The following CDCA7L variants were observed in gnomAD, a reference collection of about 807,000 sequenced individuals.
CDCA7L encodes the protein cell division cycle-associated 7-like protein.
In CDCA7L, 44 loss-of-function variants were observed where a neutral mutation model predicts 57.4. The ratio of observed to expected loss-of-function variants is 0.77; its 90% CI spans 0.60 to 0.98. The LOEUF is 0.98. Among genes scored for constraint, CDCA7L ranks in the 50% least tolerant of loss-of-function variants. The probability of loss-of-function intolerance (pLI) is 0.00; values close to 1 mark genes in which losing one functional copy is unlikely to be tolerated. For synonymous variants in CDCA7L, 236 were observed against 202.8 expected (o/e 1.16, Z -1.39); for missense variants, 644 against 580.6 (o/e 1.11, Z -1.12).
intron 8 of CDCA7L, among the ~76,000 whole-genome samples, chr7:21,903,354 C>G (rs1399123694): frequency 6.6e-6 from 1 of 152,156 alleles, no homozygotes; most frequent in Non-Finnish European, 1.5e-5. Context: ...TGGAGATTTT[C>G]ACAAGCATTT....
intron 1 of CDCA7L, chr7:21,940,215 G>T: frequency 2.1e-6 from 1 of 476,792 alleles, no homozygotes; most frequent in Non-Finnish European, 2.7e-6. Context: ...AAGTCAAATA[G>T]CCTTGACTGT....
In CDCA7L at chr7:21,902,277, T is replaced by TTGGAGTACTCTATGGTGA; in HGVS notation, c.*27_*44dup. 1 of 1,560,878 alleles carries TTGGAGTACTCTATGGTGA rather than the reference T, an allele frequency of 6.4e-7. No individual in the cohort carries two copies. The highest frequency in any genetic ancestry group is 8.8e-7 in the Non-Finnish European group (1 of 1,131,936). On this transcript the variant is annotated 3_prime_UTR_variant, in exon 10 of 10. Coordinates refer to ENST00000406877, the MANE Select transcript of CDCA7L (RefSeq NM_018719.5). ...AGGCACCAATGGTATGCATGTCTTG[T>TTGGAGTACTCTATGGTGA]TGGAGTACTCTATGGTGAGGTGGCT...
chr7:21,932,042 C>A (rs1359054290), intron 1 of CDCA7L, among the ~76,000 whole-genome samples: 1 of 152,128 alleles, frequency 6.6e-6, no homozygotes, highest in Non-Finnish European at 1.5e-5. Context: ...TGAGTGAACT[C>A]TCATTTACAA....
Position 21,916,298 on chromosome 7 carries a change from G to GC in CDCA7L, c.165+455dup, listed in dbSNP as rs1785478554. Among the ~76,000 whole-genome samples the GC allele has an allele frequency of 2.6e-5, 4 of 152,052 alleles. No homozygotes were observed. The South Asian group carries it at 8.3e-4, about 32-fold the overall frequency. ...AGTGCTAGAGATCAAAGTAATTAAC[G>GC]CAAGAATAAGGCTCTCCCCAGCAAT... On this transcript the variant is annotated intron_variant, in intron 2 of 9. Transcript: ENST00000406877.
At chr7:21,930,932 A>G (rs1785989402) in intron 1 of CDCA7L, among the ~76,000 whole-genome samples, 1 of 152,138 alleles carries the variant, frequency 6.6e-6, no homozygotes, top group African/African-American at 2.4e-5. Flanking sequence ...ACACAATAAA[A>G]AATGATAAAG....
rs1554294825 is a variant in CDCA7L at position 21,902,280 on chromosome 7, G to GAGTACTCTA, written c.*33_*41dup. On this transcript the variant is annotated 3_prime_UTR_variant, in exon 10 of 10. Transcript: ENST00000406877. ...CACCAATGGTATGCATGTCTTGTTG[G>GAGTACTCTA]AGTACTCTATGGTGAGGTGGCTGGT... 4.5e-6 allele frequency: 7 copies of GAGTACTCTA among 1,570,364 alleles called. No individual in the cohort carries two copies. The South Asian group carries it at 7.7e-5, about 17-fold the overall frequency.
intron 2 of CDCA7L, among the ~76,000 whole-genome samples, chr7:21,913,721 C>G (rs1363405047): frequency 1.3e-5 from 2 of 152,220 alleles, no homozygotes; most frequent in Non-Finnish European, 2.9e-5. Flanking sequence ...GCTATGAGTT[C>G]CCATCTTCCA....
At chr7:21,918,344 T>C (rs1159133845) in intron 1 of CDCA7L, among the ~76,000 whole-genome samples, 2 of 152,218 alleles carry the variant, frequency 1.3e-5, no homozygotes, top group East Asian at 1.9e-4. Context: ...TTCTAAATTA[T>C]TGTGAGGCAA....
At chr7:21,937,465 T>A (rs1417807222) in intron 1 of CDCA7L, among the ~76,000 whole-genome samples, 2 of 151,864 alleles carry the variant, frequency 1.3e-5, no homozygotes, top group South Asian at 4.2e-4. Flanking sequence ...TGAAACCCCA[T>A]CTCTACTAAA....
intron 1 of CDCA7L, among the ~76,000 whole-genome samples, chr7:21,923,047 A>C (rs1785707800): frequency 6.6e-6 from 1 of 152,248 alleles, no homozygotes; most frequent in Admixed American, 6.5e-5. Flanking sequence ...TAATGGATAC[A>C]GATTCAGCTT....
At chr7:21,934,438 A>C (rs1786103258) in intron 1 of CDCA7L, among the ~76,000 whole-genome samples, 1 of 152,058 alleles carries the variant, frequency 6.6e-6, no homozygotes, top group African/African-American at 2.4e-5. Context: ...AAATGAGAAG[A>C]GAGTCAAAAT....
At chr7:21,922,382 G>A (rs1785678992) in intron 1 of CDCA7L, among the ~76,000 whole-genome samples, 2 of 152,174 alleles carry the variant, frequency 1.3e-5, no homozygotes, top group Non-Finnish European at 2.9e-5. Flanking sequence ...CTGGTAGGCT[G>A]AACACATATA....
intron 4 of CDCA7L, among the ~76,000 whole-genome samples, chr7:21,907,285 CCTTAG>C (rs1785171915): frequency 6.6e-6 from 1 of 152,010 alleles, no homozygotes; most frequent in African/African-American, 2.4e-5. Context: ...TGAAAATTTC[CCTTAG>C]CTAAGTAAAA....
Position 21,905,583 on chromosome 7 carries a change from G to C in CDCA7L, c.970C>G (p.Pro324Ala), listed in dbSNP as rs1785113446. Residue 324 changes from proline (P) to alanine (A), a missense_variant, in exon 7 of 10, where the codon CCA (proline) becomes GCA (alanine). Transcript: ENST00000406877. Reference sequence around the variant, plus strand: ...TCCTCTTCGGTGATATCCTCCACTGGCCGAAAAGAAGATATACGGTGACGT... The same window carrying C: ...TCCTCTTCGGTGATATCCTCCACTGCCCGAAAAGAAGATATACGGTGACGT... ...RRRHRISSFR[P>A]VEDITEEDLE... 6.2e-7 allele frequency: 1 copy of C among 1,613,700 alleles called. No individual in the cohort carries two copies. The highest frequency in any genetic ancestry group is 8.5e-7 in the Non-Finnish European group (1 of 1,179,944).
At chr7:21,915,903 G>GTCT (rs2128061702) in intron 2 of CDCA7L, among the ~76,000 whole-genome samples, 1 of 152,176 alleles carries the variant, frequency 6.6e-6, no homozygotes, top group East Asian at 1.9e-4. Flanking sequence ...TTAGAAGGAG[G>GTCT]TCTACTGGTG....
chr7:21,942,481 G>C (rs1786369933), intron 1 of CDCA7L, among the ~76,000 whole-genome samples: 1 of 152,126 alleles, frequency 6.6e-6, no homozygotes, highest in Non-Finnish European at 1.5e-5. Context: ...GGTGAATAAA[G>C]CCGAGTCTTT....
rs35601553 is a variant in CDCA7L, at chr7:21,915,635, T to TA, written c.165+1118dup. Reference sequence around the variant, plus strand: ...CAATATGGCAAAACCCCATCACTACTAAAAAAAAAAAAAAAAAAAAAAAAC... The same window carrying TA: ...CAATATGGCAAAACCCCATCACTACTAAAAAAAAAAAAAAAAAAAAAAAAAC... On this transcript the variant is annotated intron_variant, in intron 2 of 9. Transcript: ENST00000406877. Among the ~76,000 whole-genome samples the TA allele has an allele frequency of 8.2e-3, 723 of 88,314 alleles. 26 individuals are homozygous for TA. The highest frequency in any genetic ancestry group is 0.029 in the African/African-American group (667 of 22,910). The allele number at this position is 88,314 out of a possible 152,430, so 57.9% of individuals were successfully genotyped here.
In CDCA7L at chr7:21,901,178, G is replaced by A. The variant is rs1220464771; in HGVS notation, c.*1144C>T. The A allele has an allele frequency of 1.2e-6, 2 of 1,613,766 alleles. No homozygotes were observed. The highest frequency in any genetic ancestry group is 1.7e-6 in the Non-Finnish European group (2 of 1,179,856). On this transcript the variant is annotated 3_prime_UTR_variant, in exon 10 of 10. Coordinates refer to ENST00000406877, the MANE Select transcript of CDCA7L (RefSeq NM_018719.5). ...AAACTGAGAGGCCCCAGCTACATCT[G>A]GACCTTCAGGCTGAAGAGCGAAGAG... is the stretch of plus-strand genomic sequence containing the variant.
chr7:21,902,240 A>AAAATCTTTCTTTCTTAGGCACCAATG lies in CDCA7L; in HGVS notation c.*81_*82insCATTGGTGCCTAAGAAAGAAAGATTT. The AAAATCTTTCTTTCTTAGGCACCAATG allele has an allele frequency of 9.0e-7, 1 of 1,111,710 alleles. No individual in the cohort carries two copies. The highest frequency in any genetic ancestry group is 1.3e-6 in the Non-Finnish European group (1 of 763,906). 68.9% of individuals were successfully genotyped at this position (1,111,710 alleles called of 1,614,324 possible). A position where few individuals can be genotyped will look rare whatever the true frequency, so the allele number is the denominator to read the frequency against. On this transcript the variant is annotated 3_prime_UTR_variant, in exon 10 of 10. Transcript: ENST00000406877. The stretch of plus-strand genomic sequence containing the variant: ...TTCTGTATAAAAACACAACTGTAAA[A>AAAATCTTTCTTTCTTAGGCACCAATG]AAATCTTTCTTAGGCACCAATGGTA...
Sources: gnomAD v4.1 joint callset for allele counts (sites outside exome capture counted in the v4.1 genomes callset) on GRCh38, gnomAD v4.1.1 for gene constraint, MANE v1.5 for transcripts, NCBI Gene and HGNC (gene_info 2026-07-23, HGNC 2026-07-21) for gene names.